The following WARS2 variants were observed in gnomAD, a reference collection of about 807,000 sequenced individuals.
WARS2 encodes the protein tryptophan--tRNA ligase, mitochondrial.
In WARS2, 28 loss-of-function variants were observed where a neutral mutation model predicts 36.5. The ratio of observed to expected loss-of-function variants is 0.77; its 90% CI spans 0.57 to 1.05. The LOEUF (loss-of-function observed/expected upper bound fraction) is 1.05. Among genes scored for constraint, WARS2 ranks in the 50% least tolerant of loss-of-function variants. The pLI, the probability that WARS2 is intolerant of heterozygous loss-of-function variation, is 0.00. For missense variants in WARS2, 435 were observed against 456.8 expected (o/e 0.95, Z 0.44); for synonymous variants, 174 against 178.4 (o/e 0.98, Z 0.20).
chr1:119,096,271 G>A (rs587622490), intron 1 of WARS2, among the ~76,000 whole-genome samples: 16 of 152,202 alleles, frequency 1.1e-4, no homozygotes, highest in African/African-American at 3.6e-4. Context: ...TTTCTCTAAT[G>A]TCAATTATAT....
intron 1 of WARS2, among the ~76,000 whole-genome samples, chr1:119,092,008 A>G (rs2101411298): frequency 6.6e-6 from 1 of 152,350 alleles, no homozygotes; most frequent in East Asian, 1.9e-4. Flanking sequence ...AGCAGTTCCC[A>G]TAAACTGCCC....
chr1:119,051,075 G>A (rs1649313251), intron 2 of WARS2, among the ~76,000 whole-genome samples: 1 of 151,970 alleles, frequency 6.6e-6, no homozygotes, highest in Non-Finnish European at 1.5e-5. Flanking sequence ...GTGCAGGTTT[G>A]TTATAGAGGT....
intron 1 of WARS2, among the ~76,000 whole-genome samples, chr1:119,135,243 A>G (rs1656402553): frequency 6.6e-6 from 1 of 152,206 alleles, no homozygotes; most frequent in Non-Finnish European, 1.5e-5. Flanking sequence ...AGTATTTTTC[A>G]AACTACATCT....
chr1:119,138,579 T>C (rs1184333601), intron 1 of WARS2, among the ~76,000 whole-genome samples: 1 of 152,214 alleles, frequency 6.6e-6, no homozygotes, highest in Non-Finnish European at 1.5e-5. Context: ...GTTTGTTCCC[T>C]TCCAGGCTTT....
intron 1 of WARS2, among the ~76,000 whole-genome samples, chr1:119,135,279 T>TG (rs1199797592): frequency 6.6e-6 from 1 of 152,210 alleles, no homozygotes; most frequent in African/African-American, 2.4e-5. Flanking sequence ...TGTGTGGCAC[T>TG]GTCTCAGGAG....
intron 1 of WARS2, among the ~76,000 whole-genome samples, chr1:119,125,278 A>G (rs975563307): frequency 2.6e-5 from 4 of 152,032 alleles, no homozygotes; most frequent in Non-Finnish European, 5.9e-5. Flanking sequence ...CTTCCATTAA[A>G]AGTCACCTTC....
At chr1:119,070,522 C>T (rs1651214141) in intron 2 of WARS2, among the ~76,000 whole-genome samples, 1 of 152,068 alleles carries the variant, frequency 6.6e-6, no homozygotes, top group South Asian at 2.1e-4. Flanking sequence ...CTGCCTCAGC[C>T]TCCCAAAGTG....
chr1:119,052,347 CTCAT>C (rs1649438326), intron 2 of WARS2, among the ~76,000 whole-genome samples: 1 of 152,170 alleles, frequency 6.6e-6, no homozygotes, highest in African/African-American at 2.4e-5. Flanking sequence ...CTCAGAAATT[CTCAT>C]TTATTGCTTC....
At chr1:119,057,054 T>C (rs546960047) in intron 2 of WARS2, among the ~76,000 whole-genome samples, 3 of 152,338 alleles carry the variant, frequency 2.0e-5, no homozygotes, top group African/African-American at 7.2e-5. Flanking sequence ...TCTTTAAGTT[T>C]GGTCATCCAA....
intron 1 of WARS2, among the ~76,000 whole-genome samples, chr1:119,091,689 T>C (rs1041053677): frequency 2.6e-5 from 4 of 152,176 alleles, no homozygotes; most frequent in African/African-American, 7.2e-5. Flanking sequence ...GTGGTTCTTA[T>C]TCATCTGGGC....
At chr1:119,084,326 G>A (rs1427686192) in intron 1 of WARS2, among the ~76,000 whole-genome samples, 2 of 152,042 alleles carry the variant, frequency 1.3e-5, no homozygotes, top group Non-Finnish European at 2.9e-5. Context: ...TTCATTTTGG[G>A]ATGATAAAAA....
At chr1:119,108,079 T>C (rs1654370230) in intron 1 of WARS2, among the ~76,000 whole-genome samples, 1 of 152,078 alleles carries the variant, frequency 6.6e-6, no homozygotes, top group Non-Finnish European at 1.5e-5. Context: ...TTCACTTTGC[T>C]AGTATTTTGT....
chr1:119,101,825 A>G (rs1653888481), intron 1 of WARS2, among the ~76,000 whole-genome samples: 1 of 152,186 alleles, frequency 6.6e-6, no homozygotes, highest in Non-Finnish European at 1.5e-5. Context: ...CCAGAGCTAC[A>G]AGCCGCAGAA....
chr1:119,107,502 T>C (rs1224912940), intron 1 of WARS2, among the ~76,000 whole-genome samples: 1 of 152,126 alleles, frequency 6.6e-6, no homozygotes, highest in Non-Finnish European at 1.5e-5. Context: ...TGATGTCTAA[T>C]CATTCCAGCA....
At position 119,034,108 on chromosome 1, in the gene WARS2, G is replaced by A. The variant is rs932112855; in HGVS notation, c.621C>T (p.Pro207=). The A allele has an allele frequency of 8.1e-6, 13 of 1,613,260 alleles. No individual in the cohort carries two copies. Among genetic ancestry groups the A allele is most frequent in the Admixed American group, 1.7e-5 (1 of 59,972 alleles). Residue 207 remains proline (P), a synonymous_variant, in exon 5 of 6, where the codon CCC becomes CCT. Coordinates refer to ENST00000235521, the MANE Select transcript of WARS2 (RefSeq NM_015836.4). ...TTTCTTACTTACTGAGAATGGACTC[G>A]GGCACTGGAAAGAACTCCCCATACT... ...NKKYGEFFPV[P]ESILTSMKKV... is the part of the protein sequence containing the mutation.
intron 1 of WARS2, chr1:119,084,970 C>T: frequency 2.2e-6 from 1 of 456,598 alleles, no homozygotes. Flanking sequence ...ATAATTATTT[C>T]CAAATCTACC....
intron 1 of WARS2, among the ~76,000 whole-genome samples, chr1:119,104,044 C>T (rs1654066381): frequency 6.6e-6 from 1 of 150,994 alleles, no homozygotes; most frequent in African/African-American, 2.4e-5. Context: ...GTCTCAAGCT[C>T]CTGAGTTCAA....
At chr1:119,064,032 T>TGCC (rs1365228891) in intron 2 of WARS2, 3 of 152,024 alleles carry the variant, frequency 2.0e-5, no homozygotes, top group African/African-American at 7.3e-5. Context: ...AGACACTTAA[T>TGCC]GCCGGCCTGT....
intron 2 of WARS2, among the ~76,000 whole-genome samples, chr1:119,069,563 G>A (rs571088561): frequency 2.4e-4 from 37 of 152,306 alleles, no homozygotes; most frequent in Non-Finnish European, 5.1e-4. Flanking sequence ...CAGCTTTAAA[G>A]AGTCATTGGT....
Sources: gnomAD v4.1 joint callset for allele counts (sites outside exome capture counted in the v4.1 genomes callset) on GRCh38, gnomAD v4.1.1 for gene constraint, MANE v1.5 for transcripts, NCBI Gene and HGNC (gene_info 2026-07-23, HGNC 2026-07-21) for gene names.